The following LRP1B variants were observed in gnomAD, a reference collection of about 807,000 sequenced individuals.
The protein encoded by LRP1B is low-density lipoprotein receptor-related protein 1B.
A neutral mutation model predicts 556.6 loss-of-function variants in LRP1B; 217 were observed. The ratio of observed to expected loss-of-function variants is 0.39; its 90% confidence interval spans 0.35 to 0.44. LRP1B has a LOEUF of 0.44. Among genes scored for constraint, LRP1B ranks in the 20% least tolerant of loss-of-function variants. The pLI, the probability that LRP1B is intolerant of heterozygous loss-of-function variation, is 1.00. For missense variants in LRP1B, 5,053 were observed against 5,620.8 expected (o/e 0.90, Z 3.23); for synonymous variants, 2,047 against 1,865.8 (o/e 1.10, Z -2.50).
At position 141,860,631 on chromosome 2, in the gene LRP1B, C is replaced by T. The variant is rs186376121; in HGVS notation, c.83-50230G>A. 5.5e-4 allele frequency among the ~76,000 whole-genome samples: 84 copies of T among 151,616 alleles called. 1 individual carries two copies. The highest frequency in any genetic ancestry group is 5.3e-3 in the Admixed American group (80 of 15,230). The stretch of plus-strand genomic sequence containing the variant: ...AGAAGATGATATAGAATATTCTTGA[C>T]GTTCATGAATATTAAATGTTGAAAA... On this transcript the variant is annotated intron_variant, in intron 1 of 90. Transcript: ENST00000389484.
At chr2:141,023,594 T>C (rs1441060674) in intron 11 of LRP1B, among the ~76,000 whole-genome samples, 3 of 151,960 alleles carry the variant, frequency 2.0e-5, no homozygotes, top group Non-Finnish European at 4.4e-5. Context: ...ATATTATACA[T>C]TCATGGAACA....
At chr2:141,570,226 A>G (rs1033643842) in intron 2 of LRP1B, among the ~76,000 whole-genome samples, 2 of 150,902 alleles carry the variant, frequency 1.3e-5, no homozygotes, top group Admixed American at 1.3e-4. Flanking sequence ...ATCAAAATTG[A>G]CTCTCTCATC....
chr2:141,194,979 A>G (rs926722339), intron 6 of LRP1B, among the ~76,000 whole-genome samples: 2 of 152,248 alleles, frequency 1.3e-5, no homozygotes, highest in East Asian at 3.9e-4. Context: ...AATAAGATAT[A>G]CAGTAGTTGT....
intron 84 of LRP1B, among the ~76,000 whole-genome samples, chr2:140,294,456 G>A (rs1395584653): frequency 6.6e-6 from 1 of 152,224 alleles, no homozygotes; most frequent in Non-Finnish European, 1.5e-5. Flanking sequence ...TCCCAGACAA[G>A]TAAGGGGAAT....
intron 3 of LRP1B, among the ~76,000 whole-genome samples, chr2:141,269,626 C>G (rs1023824291): frequency 1.3e-5 from 2 of 152,002 alleles, no homozygotes; most frequent in Non-Finnish European, 2.9e-5. Context: ...AAAAGCCAAG[C>G]CCAGATAATA....
chr2:141,614,729 T>C (rs443719), intron 2 of LRP1B, among the ~76,000 whole-genome samples: 17,440 of 152,140 alleles, frequency 0.11, 3,315 homozygotes, highest in African/African-American at 0.4. Context: ...AGGCATAGAA[T>C]AGATTGACTC....
chr2:140,616,512 G>A (rs2105238700), intron 41 of LRP1B, among the ~76,000 whole-genome samples: 1 of 148,730 alleles, frequency 6.7e-6, no homozygotes, highest in South Asian at 2.1e-4. Flanking sequence ...TCCAAAGCTG[G>A]AGTGAAAAAA....
chr2:141,126,667 C>T (rs1701220901), intron 7 of LRP1B, among the ~76,000 whole-genome samples: 1 of 152,056 alleles, frequency 6.6e-6, no homozygotes, highest in African/African-American at 2.4e-5. Context: ...CTTTTCTTCA[C>T]CCAAGATCAT....
chr2:140,847,567 GACC>G (rs2105111360), intron 29 of LRP1B, among the ~76,000 whole-genome samples: 1 of 152,122 alleles, frequency 6.6e-6, no homozygotes, highest in Non-Finnish European at 1.5e-5. Flanking sequence ...AGGAGTTTGA[GACC>G]AGCCTGGCCA....
intron 2 of LRP1B, among the ~76,000 whole-genome samples, chr2:141,529,244 G>A (rs543996100): frequency 6.6e-6 from 1 of 152,286 alleles, no homozygotes; most frequent in African/African-American, 2.4e-5. Flanking sequence ...AAGTGTGTTT[G>A]TGCTTTCTAA....
intron 5 of LRP1B, among the ~76,000 whole-genome samples, chr2:141,241,962 G>A (rs907418908): frequency 1.3e-5 from 2 of 151,876 alleles, no homozygotes; most frequent in African/African-American, 4.8e-5. Flanking sequence ...ACCCTAAATG[G>A]TGAATCTTCA....
chr2:141,160,414 GA>G (rs944614393), intron 7 of LRP1B, among the ~76,000 whole-genome samples: 3 of 152,136 alleles, frequency 2.0e-5, no homozygotes, highest in Non-Finnish European at 4.4e-5. Flanking sequence ...ATTTATCCTA[GA>G]AAAATTAAAA....
intron 1 of LRP1B, among the ~76,000 whole-genome samples, chr2:141,908,571 CTATT>C (rs1574483370): frequency 1.3e-5 from 2 of 151,952 alleles, no homozygotes; most frequent in South Asian, 4.1e-4. Context: ...GAAAGGGTGT[CTATT>C]TGTCTATTAT....
chr2:140,772,584 A>C (rs1689351929), intron 33 of LRP1B, among the ~76,000 whole-genome samples: 1 of 152,190 alleles, frequency 6.6e-6, no homozygotes, highest in Non-Finnish European at 1.5e-5. Flanking sequence ...TGCTGGGATT[A>C]CAGGATGAGT....
intron 1 of LRP1B, among the ~76,000 whole-genome samples, chr2:142,031,875 C>G (rs1226697952): frequency 6.6e-6 from 1 of 151,760 alleles, no homozygotes; most frequent in African/African-American, 2.4e-5. Context: ...TCCCATATGT[C>G]TGGTGTCTTC....
At chr2:142,109,856 A>G (rs1321171552) in intron 1 of LRP1B, among the ~76,000 whole-genome samples, 3 of 152,158 alleles carry the variant, frequency 2.0e-5, no homozygotes, top group Non-Finnish European at 1.5e-5. Context: ...CCCAATGAGG[A>G]GGAAAATAAT....
At chr2:140,726,776 A>G (rs542594762) in intron 35 of LRP1B, among the ~76,000 whole-genome samples, 10 of 152,048 alleles carry the variant, frequency 6.6e-5, no homozygotes, top group Non-Finnish European at 1.0e-4. Flanking sequence ...AGCAAAATAT[A>G]CAAGTGTAAT....
At chr2:141,831,896 C>A (rs1697122944) in intron 1 of LRP1B, among the ~76,000 whole-genome samples, 1 of 151,666 alleles carries the variant, frequency 6.6e-6, no homozygotes, top group Non-Finnish European at 1.5e-5. Context: ...CCAGTGGTTT[C>A]ATTGCTCAAG....
intron 3 of LRP1B, among the ~76,000 whole-genome samples, chr2:141,339,632 G>A (rs1687981625): frequency 6.6e-6 from 1 of 152,164 alleles, no homozygotes; most frequent in Non-Finnish European, 1.5e-5. Context: ...AGCACTCCTT[G>A]TATATTCTCT....
Sources: gnomAD v4.1 joint callset for allele counts (sites outside exome capture counted in the v4.1 genomes callset) on GRCh38, gnomAD v4.1.1 for gene constraint, MANE v1.5 for transcripts, NCBI Gene and HGNC (gene_info 2026-07-23, HGNC 2026-07-21) for gene names.